The following FBLIM1 variants were observed in gnomAD, a reference collection of about 807,000 sequenced individuals.
The protein encoded by FBLIM1 is filamin-binding LIM protein 1.
FBLIM1 carries 29 observed loss-of-function variants against 37.4 expected under a neutral mutation model. The observed-to-expected ratio is 0.77, with a 90% CI of 0.58 to 1.06. The LOEUF (loss-of-function observed/expected upper bound fraction) is 1.06, where lower values mean the gene tolerates loss of function less well. Ranked by LOEUF, FBLIM1 falls within the 50% of genes least tolerant of loss-of-function variation. The pLI is 0.00. For synonymous variants in FBLIM1, 193 were observed against 199.0 expected (o/e 0.97, Z 0.25); for missense variants, 449 against 505.6 (o/e 0.89, Z 1.07).
chr1:15,774,614 C>G lies in FBLIM1; in HGVS notation c.712-4C>G. ...GATGGTTCTGGCAGTGGCCTCTGTC[C>G]TAGGACACACTGGAGAGGTGCGGCA... On this transcript the variant is annotated splice_region_variant and splice_polypyrimidine_tract_variant and intron_variant, in intron 6 of 8. Coordinates refer to ENST00000375766, the MANE Select transcript of FBLIM1 (RefSeq NM_017556.4). The G allele has an allele frequency of 6.2e-7, 1 of 1,611,518 alleles. No individual in the cohort carries two copies.
At chr1:15,774,823 G>C in intron 7 of FBLIM1, 27 bp downstream of exon 7, 1 of 1,614,034 alleles carries the variant, frequency 6.2e-7, no homozygotes, top group Non-Finnish European at 8.5e-7. Context: ...TGCACTGGGT[G>C]GGGTGCAGGG....
intron 6 of FBLIM1, among the ~76,000 whole-genome samples, chr1:15,773,111 A>C (rs1171884501): frequency 6.6e-6 from 1 of 152,106 alleles, no homozygotes; most frequent in East Asian, 1.9e-4. Flanking sequence ...CATCATATAA[A>C]ATTATGTTAA....
At position 15,784,690 on chromosome 1, in the gene FBLIM1, C is replaced by G; in HGVS notation, c.*29C>G. The G allele has an allele frequency of 6.3e-7, 1 of 1,591,584 alleles. No homozygotes were observed. The highest frequency in any genetic ancestry group is 8.6e-7 in the Non-Finnish European group (1 of 1,161,700). The stretch of plus-strand genomic sequence containing the variant: ...TGCCCGCTGGGCAGTGAACAGACCA[C>G]TAGCCCCGGCTGGGGCCCTTCCCTG... On this transcript the variant is annotated 3_prime_UTR_variant, in exon 9 of 9. Transcript: ENST00000375766.
chr1:15,773,179 A>C (rs777759987), intron 6 of FBLIM1, among the ~76,000 whole-genome samples: 10 of 152,180 alleles, frequency 6.6e-5, no homozygotes, highest in Non-Finnish European at 1.5e-4. Flanking sequence ...TGAGGTTAGG[A>C]GTTCGAGACC....
intron 1 of FBLIM1, among the ~76,000 whole-genome samples, chr1:15,764,277 G>A (rs1350447352): frequency 2.0e-5 from 3 of 152,214 alleles, no homozygotes; most frequent in Non-Finnish European, 4.4e-5. Context: ...TGATGTGTTA[G>A]GTGGGTGATG....
intron 5 of FBLIM1, among the ~76,000 whole-genome samples, chr1:15,769,885 G>A (rs997982513): frequency 1.3e-5 from 2 of 151,786 alleles, no homozygotes; most frequent in African/African-American, 2.4e-5. Context: ...CGCCCACCTC[G>A]GCATCCCAAA....
intron 1 of FBLIM1, among the ~76,000 whole-genome samples, chr1:15,762,260 GTTTTT>G (rs57122494): frequency 5.9e-4 from 64 of 108,654 alleles, no homozygotes; most frequent in African/African-American, 1.2e-3. Context: ...TGGCTAATTT[GTTTTT>G]TTTTTTTTTT....
chr1:15,765,028 C>T lies in FBLIM1; in HGVS notation c.45C>T (p.Ile15=). ...PEKRVASSVF[I]TLAPPRRDVA... ...AGAGGGTGGCATCGTCTGTCTTTATCACCCTGGCACCCCCGCGCCGCGATG... is the reference window on the plus strand; with the variant it reads ...AGAGGGTGGCATCGTCTGTCTTTATTACCCTGGCACCCCCGCGCCGCGATG... The change falls in exon 3 of 9, where the codon ATC becomes ATT. Residue 15 remains isoleucine (I), a synonymous_variant. Transcript: ENST00000375766. This position sits in a 1 kb window ranked among gnomAD's most constrained non-coding sequence, Gnocchi z 5.9. 6.2e-7 allele frequency: 1 copy of T among 1,614,028 alleles called. No homozygotes were observed. The highest frequency in any genetic ancestry group is 8.5e-7 in the Non-Finnish European group (1 of 1,179,980).
At chr1:15,768,945 C>T (rs2069064966) in intron 5 of FBLIM1, among the ~76,000 whole-genome samples, 1 of 152,134 alleles carries the variant, frequency 6.6e-6, no homozygotes, top group African/African-American at 2.4e-5. Context: ...TGAGTGGGGA[C>T]ACAGTGAGAA....
In FBLIM1 at chr1:15,784,320, G is replaced by A. The variant is rs11576404; in HGVS notation, c.1009-228G>A. Reference sequence around the variant, plus strand: ...CTGACGGTGAATGTCTGTCCTCACCGGCGCCTCCACGTGGATTAAAGCCTC... The same window carrying A: ...CTGACGGTGAATGTCTGTCCTCACCAGCGCCTCCACGTGGATTAAAGCCTC... On this transcript the variant is annotated intron_variant, in intron 8 of 8. Coordinates refer to ENST00000375766, the MANE Select transcript of FBLIM1 (RefSeq NM_017556.4). Among the ~76,000 whole-genome samples, 65,044 of 152,088 alleles carry A rather than the reference G, an allele frequency of 0.43. 14,612 individuals carry two copies. The highest frequency in any genetic ancestry group is 0.72 in the East Asian group (3,734 of 5,166).
At position 15,768,567 on chromosome 1, in the gene FBLIM1, A is replaced by G. The variant is rs780181223; in HGVS notation, c.478A>G (p.Arg160Gly). The G allele has an allele frequency of 4.3e-6, 7 of 1,611,072 alleles. No homozygotes were observed. Among genetic ancestry groups the G allele is most frequent in the Non-Finnish European group, 5.9e-6 (7 of 1,179,268 alleles). Residue 160 changes from arginine to glycine, a missense_variant, in exon 5 of 9, where the codon AGG (arginine) becomes GGG (glycine). Arg to Gly is a moderately radical substitution (Grantham distance 125, BLOSUM62 -2). Transcript: ENST00000375766. ...ACCTTCAGTCCAGCCCGGTCCCCTC[A>G]GGCCCATGGAGGAAGAGCTGCCACC... is the stretch of plus-strand genomic sequence containing the variant. ...EGPSVQPGPL[R>G]PMEEELPPPP...
intron 7 of FBLIM1, 173 bp from the exon 8 acceptor site, chr1:15,776,997 A>C (rs966942862): frequency 6.9e-5 from 43 of 623,226 alleles, no homozygotes; most frequent in Non-Finnish European, 1.1e-4. Context: ...GTCTCATTAC[A>C]CAGGTCTCTC....
intron 1 of FBLIM1, among the ~76,000 whole-genome samples, chr1:15,760,486 C>T (rs1385421525): frequency 2.1e-5 from 3 of 141,910 alleles, no homozygotes; most frequent in African/African-American, 5.2e-5. Flanking sequence ...GCTGAGATTG[C>T]GCCACTGCAC....
rs1262675568 is a variant in FBLIM1, at chr1:15,784,648, C to A, written c.1109C>A (p.Ala370Glu). ...CKPCHVKRSA[A>E]GCC ...CCATGCCATGTGAAGCGGAGTGCTG[C>A]GGGGTGCTGCTGAGAGTGCCCGCTG... Residue 370 changes from alanine (A) to glutamate (E), a missense_variant, in exon 9 of 9, where the codon GCG (alanine) becomes GAG (glutamate). By Grantham distance (107) the Ala-to-Glu change is moderately radical (BLOSUM62 -1). Transcript: ENST00000375766. The A allele has an allele frequency of 2.5e-6, 4 of 1,614,032 alleles. No homozygotes were observed. Among genetic ancestry groups the A allele is most frequent in the Non-Finnish European group, 3.4e-6 (4 of 1,179,922 alleles).
intron 6 of FBLIM1, among the ~76,000 whole-genome samples, chr1:15,771,791 G>A (rs1012922593): frequency 6.6e-6 from 1 of 151,708 alleles, no homozygotes; most frequent in African/African-American, 2.4e-5. Flanking sequence ...ATAAGGACTG[G>A]ATATCTTTGG....
rs749461154 is a variant in FBLIM1 at position 15,765,215 on chromosome 1, A to T, written c.232A>T (p.Met78Leu). ...TGCAGCCACAGTGCCGGCTGCACCTATGCAGCTCTTCAATGGAGGTAAGAG... is the reference window on the plus strand; with the variant it reads ...TGCAGCCACAGTGCCGGCTGCACCTTTGCAGCTCTTCAATGGAGGTAAGAG... ...RAAATVPAAP[M>L]QLFNGGCPPP... is the part of the protein sequence containing the mutation. Residue 78 changes from methionine to leucine, a missense_variant, in exon 3 of 9, where the codon ATG becomes TTG. Transcript: ENST00000375766. The surrounding 1 kb of genome is among the most constrained non-coding windows in gnomAD (Gnocchi z 5.9). 1.9e-6 allele frequency: 3 copies of T among 1,612,744 alleles called. No homozygotes were observed. Among genetic ancestry groups the T allele is most frequent in the Non-Finnish European group, 2.5e-6 (3 of 1,179,374 alleles).
chr1:15,775,581 C>T (rs1017941232), intron 7 of FBLIM1, among the ~76,000 whole-genome samples: 15 of 151,468 alleles, frequency 9.9e-5, no homozygotes, highest in African/African-American at 2.2e-4. Flanking sequence ...CAGACAGACA[C>T]GTGAAGAGAT....
At chr1:15,779,193 C>A (rs1272168850) in intron 8 of FBLIM1, among the ~76,000 whole-genome samples, 4 of 152,072 alleles carry the variant, frequency 2.6e-5, no homozygotes, top group Admixed American at 6.6e-5. Flanking sequence ...GCCTCGGCCT[C>A]CCAAAGTGCT....
chr1:15,781,307 G>A (rs2069629211), intron 8 of FBLIM1, among the ~76,000 whole-genome samples: 1 of 151,908 alleles, frequency 6.6e-6, no homozygotes, highest in Non-Finnish European at 1.5e-5. Context: ...GCAGTGAGCC[G>A]AGATTGCACC....
Sources: allele counts gnomAD v4.1 joint callset (sites outside exome capture counted in the v4.1 genomes callset), GRCh38; gene constraint gnomAD v4.1.1; non-coding constraint Gnocchi (gnomAD v3.1); transcripts MANE v1.5; gene names NCBI Gene and HGNC (gene_info 2026-07-23, HGNC 2026-07-21).